DMD: variants seen among roughly 807,000 people sequenced by gnomAD.
The protein encoded by DMD is mutant dystrophin.
A neutral mutation model predicts 330.1 loss-of-function variants in DMD; 63 were observed. The ratio of observed to expected loss-of-function variants is 0.19; its 90% CI spans 0.16 to 0.24. The LOEUF is 0.24. DMD is among the 10% of genes least tolerant of loss of function. DMD has a pLI of 1.00. For missense variants in DMD, 3,344 were observed against 2,684.1 expected, an observed-to-expected ratio of 1.25 and a Z score of -5.43; for synonymous variants, 1,223 against 959.8, an observed-to-expected ratio of 1.27 and a Z score of -5.07.
intron 67 of DMD, among the ~76,000 whole-genome samples, chrX:31,188,927 C>T (rs2178539): frequency 1.8e-5 from 2 of 111,176 alleles, no homozygotes; most frequent in African/African-American, 3.3e-5. Context: ...TCTAGCAAAC[C>T]GATTTACCTA....
rs973485569 is a variant in DMD, at chrX:32,885,363, T to C, written c.94-35543A>G. On this transcript the variant is annotated intron_variant, in intron 2 of 78. Coordinates refer to ENST00000357033, the MANE Select transcript of DMD (RefSeq NM_004006.3). ...TACTAAAGAGAATGAAAGGTAAGTT[T>C]ATGACTTTGCATCTTGGAACTGCAC... is the stretch of plus-strand genomic sequence containing the variant. 8.1e-5 allele frequency among the ~76,000 whole-genome samples: 9 copies of C among 111,710 alleles called. No individual in the cohort carries two copies. The East Asian group carries it at 2.5e-3, about 32-fold the overall frequency.
intron 7 of DMD, among the ~76,000 whole-genome samples, chrX:32,733,783 T>G (rs1427024928): frequency 3.8e-5 from 4 of 105,844 alleles, no homozygotes; most frequent in Non-Finnish European, 7.8e-5. Flanking sequence ...GGGAAATTTA[T>G]AGCACTAAAT....
At chrX:32,593,517 A>C (rs1229165813) in intron 13 of DMD, among the ~76,000 whole-genome samples, 1 of 111,756 alleles carries the variant, frequency 8.9e-6, no homozygotes, top group African/African-American at 3.3e-5. Context: ...GCATTCTACT[A>C]CAAAGAGGGA....
At chrX:32,604,086 CA>C (rs758483771) in intron 12 of DMD, among the ~76,000 whole-genome samples, 161 of 110,323 alleles carry the variant, frequency 1.5e-3, no homozygotes, top group African/African-American at 5.1e-3. Flanking sequence ...AACATAGATG[CA>C]AAAATCCTCA....
chrX:33,217,063 A>C (rs2052070635), intron 1 of DMD, among the ~76,000 whole-genome samples: 1 of 111,853 alleles, frequency 8.9e-6, no homozygotes, highest in Non-Finnish European at 1.9e-5. Context: ...ATACTTATAT[A>C]AAATTCACAA....
chrX:33,041,495 A>T (rs926752135), intron 1 of DMD: 2 of 1,206,934 alleles, frequency 1.7e-6, no homozygotes, highest in East Asian at 5.9e-5. Flanking sequence ...AAACAACAAG[A>T]AGAAAAGATT....
At chrX:32,899,764 T>C (rs866638165) in intron 2 of DMD, among the ~76,000 whole-genome samples, 4 of 111,535 alleles carry the variant, frequency 3.6e-5, no homozygotes, top group Admixed American at 1.9e-4. Flanking sequence ...GATTCTTATA[T>C]TGGTTCTGGT....
intron 34 of DMD, 150 bp from the exon 35 acceptor site, chrX:32,365,349 A>G: frequency 2.0e-6 from 1 of 499,246 alleles, no homozygotes; most frequent in Non-Finnish European, 3.3e-6. Context: ...CATACCATAT[A>G]TACTGAAGCT....
chrX:32,119,198 C>T (rs1017733457), intron 44 of DMD, among the ~76,000 whole-genome samples: 1 of 109,975 alleles, frequency 9.1e-6, no homozygotes, highest in Non-Finnish European at 1.9e-5. Flanking sequence ...GGCCTGGTGG[C>T]GCCAGAGCAC....
chrX:32,168,900 AG>A (rs768405677), intron 44 of DMD, among the ~76,000 whole-genome samples: 41 of 111,982 alleles, frequency 3.7e-4, no homozygotes, highest in Middle Eastern at 4.6e-3. Context: ...CTAAAGCCAT[AG>A]TTCGTCTGTC....
chrX:32,521,906 A>G (rs1297009328), intron 17 of DMD, among the ~76,000 whole-genome samples: 1 of 111,830 alleles, frequency 8.9e-6, no homozygotes, highest in East Asian at 2.8e-4. Flanking sequence ...CCCTCATGAA[A>G]TGAGTCCCCT....
intron 37 of DMD, among the ~76,000 whole-genome samples, chrX:32,361,759 AT>A (rs2097835991): frequency 9.0e-6 from 1 of 111,221 alleles, no homozygotes; most frequent in African/African-American, 3.3e-5. Flanking sequence ...AAAATGTTCT[AT>A]TTTTCCAGGA....
At chrX:32,944,607 ATTT>A (rs3083092) in intron 2 of DMD, among the ~76,000 whole-genome samples, 1 of 96,540 alleles carries the variant, frequency 1.0e-5, no homozygotes. Context: ...CTTTTAGTAG[ATTT>A]TTTTTTTTTT....
intron 30 of DMD, among the ~76,000 whole-genome samples, chrX:32,407,140 T>A (rs1415409540): frequency 1.5e-4 from 17 of 111,270 alleles, no homozygotes; most frequent in African/African-American, 5.6e-4. Flanking sequence ...CTAATTAAAC[T>A]AAAGAGCTTC....
chrX:31,540,517 G>A (rs1435961861), intron 55 of DMD, among the ~76,000 whole-genome samples: 1 of 112,089 alleles, frequency 8.9e-6, no homozygotes, highest in Non-Finnish European at 1.9e-5. Context: ...TCTAAACCCA[G>A]CTGACTTTCT....
At chrX:31,763,860 TTATTA>T (rs2089806844) in intron 51 of DMD, among the ~76,000 whole-genome samples, 1 of 111,366 alleles carries the variant, frequency 9.0e-6, no homozygotes, top group South Asian at 3.7e-4. Context: ...TTTTATTTAT[TTATTA>T]TTTTAGTTTT....
chrX:31,728,422 AAC>A (rs1183244666), intron 52 of DMD, among the ~76,000 whole-genome samples: 4 of 111,884 alleles, frequency 3.6e-5, no homozygotes, highest in East Asian at 5.6e-4. Flanking sequence ...CACACACAGA[AAC>A]ACACAGAAAC....
At chrX:32,867,618 T>C (rs1474533261) in intron 2 of DMD, among the ~76,000 whole-genome samples, 7 of 112,306 alleles carry the variant, frequency 6.2e-5, no homozygotes, top group Non-Finnish European at 1.3e-4. Flanking sequence ...CATTTGCTAA[T>C]TGTAAACAAT....
At chrX:31,470,397 A>G (rs972509482) in intron 59 of DMD, among the ~76,000 whole-genome samples, 2 of 111,729 alleles carry the variant, frequency 1.8e-5, no homozygotes, top group Non-Finnish European at 3.8e-5. Context: ...GCTAGCAGTC[A>G]GGAACCCTCT....
Sources: gnomAD v4.1 joint callset for allele counts (sites outside exome capture counted in the v4.1 genomes callset) on GRCh38, gnomAD v4.1.1 for gene constraint, MANE v1.5 for transcripts, NCBI Gene and HGNC (gene_info 2026-07-23, HGNC 2026-07-21) for gene names.